CCDC27: variants seen among roughly 807,000 people sequenced by gnomAD.
CCDC27 encodes coiled-coil domain containing 27, also known as coiled-coil domain-containing protein 27.
A neutral mutation model predicts 80.3 loss-of-function variants in CCDC27; 80 were observed. The ratio of observed to expected loss-of-function variants is 1.00; its 90% CI spans 0.83 to 1.20. The LOEUF (loss-of-function observed/expected upper bound fraction) is 1.20. CCDC27 is among the 50% of genes most tolerant of loss of function. The probability of loss-of-function intolerance (pLI) is 0.00; values close to 1 mark genes in which losing one functional copy is unlikely to be tolerated. For synonymous variants in CCDC27, 342 were observed against 334.3 expected (o/e 1.02, Z -0.25); for missense variants, 815 against 809.4 (o/e 1.01, Z -0.08).
Position 3,761,169 on chromosome 1 carries a change from T to G in CCDC27, c.712-112T>G. On this transcript the variant is annotated intron_variant, in intron 4 of 11. Coordinates refer to ENST00000294600, the MANE Select transcript of CCDC27 (RefSeq NM_152492.3). This position sits in a 1 kb window ranked among gnomAD's most constrained non-coding sequence, Gnocchi z 5.0. ...TCTTGAAATCCCTGGGACCCTGGGG[T>G]TTTGGGGTACCACGACAGCAGATCT... 1.5e-6 allele frequency: 2 copies of G among 1,290,390 alleles called. No individual in the cohort carries two copies. The highest frequency in any genetic ancestry group is 1.1e-6 in the Non-Finnish European group (1 of 927,688). The allele number at this position is 1,290,390 out of a possible 1,614,324, so 79.9% of individuals were successfully genotyped here.
At position 3,768,991 on chromosome 1, in the gene CCDC27, T is replaced by C. The variant is rs1570722190; in HGVS notation, c.1744-792T>C. ...TCACTTAAACCTGTCCGAGCGGCAG[T>C]GTGGACATGCTTCCACTCGGAGGCA... On this transcript the variant is annotated intron_variant, in intron 10 of 11. Coordinates refer to ENST00000294600, the MANE Select transcript of CCDC27 (RefSeq NM_152492.3). The surrounding 1 kb of genome is among the most constrained non-coding windows in gnomAD (Gnocchi z 5.6). 6.6e-6 allele frequency among the ~76,000 whole-genome samples: 1 copy of C among 152,290 alleles called. No homozygotes were observed.
intron 2 of CCDC27, among the ~76,000 whole-genome samples, chr1:3,755,024 G>A (rs568147874): frequency 6.1e-4 from 93 of 152,284 alleles, no homozygotes; most frequent in African/African-American, 2.0e-3. Context: ...GAGGCTGAGG[G>A]GCCACACGGT....
chr1:3,756,587 A>T, intron 3 of CCDC27, 146 bp from the exon 4 acceptor site: 4 of 485,082 alleles, frequency 8.2e-6, no homozygotes, highest in Middle Eastern at 7.5e-4. Context: ...GAGGGTGACA[A>T]GAGTTAGGAG....
Position 3,763,787 on chromosome 1 carries a change from A to G in CCDC27, c.1403A>G (p.Gln468Arg). ...ATCAATACGGAAAATGAGACGCTGC[A>G]GAAGGAGCTCCGAGAGCGGAGGCAG... is the stretch of plus-strand genomic sequence containing the variant. ...RKINTENETL[Q>R]KELRERRQQL... is the part of the protein sequence containing the mutation. The change falls in exon 8 of 12, where the codon CAG becomes CGG. Residue 468 changes from glutamine (Q) to arginine (R), a missense_variant. Transcript: ENST00000294600. This position sits in a 1 kb window ranked among gnomAD's most constrained non-coding sequence, Gnocchi z 7.5. 6.2e-7 allele frequency: 1 copy of G among 1,614,174 alleles called. No individual in the cohort carries two copies. Among genetic ancestry groups the G allele is most frequent in the South Asian group, 1.1e-5 (1 of 91,090 alleles).
intron 4 of CCDC27, among the ~76,000 whole-genome samples, chr1:3,757,579 CTACAGGTGCG>C: frequency 6.6e-6 from 1 of 152,006 alleles, no homozygotes; most frequent in Non-Finnish European, 1.5e-5. Flanking sequence ...GCAGCTGGGA[CTACAGGTGCG>C]TACCACCACA....
intron 2 of CCDC27, 60 bp from the exon 3 acceptor site, chr1:3,755,396 TG>T: frequency 7.2e-7 from 1 of 1,387,994 alleles, no homozygotes; most frequent in Non-Finnish European, 1.0e-6. Context: ...GAGTCTGCCC[TG>T]GAGATCTTGG....
chr1:3,769,846 G>T lies in CCDC27; in HGVS notation c.1807G>T (p.Ala603Ser), dbSNP rs375507798. The T allele has an allele frequency of 6.2e-7, 1 of 1,613,976 alleles. No individual in the cohort carries two copies. The highest frequency in any genetic ancestry group is 1.3e-5 in the African/African-American group (1 of 74,978). Residue 603 changes from alanine to serine, a missense_variant, in exon 11 of 12, where the codon GCC becomes TCC. By Grantham distance (99) the Ala-to-Ser change is moderately conservative. Coordinates refer to ENST00000294600, the MANE Select transcript of CCDC27 (RefSeq NM_152492.3). The surrounding 1 kb of genome is among the most constrained non-coding windows in gnomAD (Gnocchi z 4.6). Reference sequence around the variant, plus strand: ...TAGCATCTCCGGGACCAAGTCCTTGGCCAACGAGATCTCTGACAATGACAT... The same window carrying T: ...TAGCATCTCCGGGACCAAGTCCTTGTCCAACGAGATCTCTGACAATGACAT... ...TFSISGTKSL[A>S]NEISDNDILE...
Position 3,763,695 on chromosome 1 carries a change from T to A in CCDC27, c.1322-11T>A. On this transcript the variant is annotated splice_polypyrimidine_tract_variant and intron_variant, in intron 7 of 11. Coordinates refer to ENST00000294600, the MANE Select transcript of CCDC27 (RefSeq NM_152492.3). The surrounding 1 kb of genome is among the most constrained non-coding windows in gnomAD (Gnocchi z 7.5). ...CTTGCTCCTGCTCACCGCCTCTGCC[T>A]CTGTGCCCAGGAGTGATTGCGTCTT... 1 of 1,614,058 alleles carries A rather than the reference T, an allele frequency of 6.2e-7. No individual in the cohort carries two copies. Among genetic ancestry groups the A allele is most frequent in the Non-Finnish European group, 8.5e-7 (1 of 1,179,956 alleles).
At position 3,766,154 on chromosome 1, in the gene CCDC27, C is replaced by T. The variant is rs1332177822; in HGVS notation, c.1453-381C>T. The stretch of plus-strand genomic sequence containing the variant: ...GTGCTGGGATTACAGGTGTGAGCCA[C>T]TGCACGTGGCCTAGGGCTCTTCATT... On this transcript the variant is annotated intron_variant, in intron 8 of 11. Transcript: ENST00000294600. This position sits in a 1 kb window ranked among gnomAD's most constrained non-coding sequence, Gnocchi z 6.1. Among the ~76,000 whole-genome samples, 1 of 152,234 alleles carries T rather than the reference C, an allele frequency of 6.6e-6. No homozygotes were observed. Among genetic ancestry groups the T allele is most frequent in the Non-Finnish European group, 1.5e-5 (1 of 68,042 alleles).
At position 3,769,689 on chromosome 1, in the gene CCDC27, G is replaced by C. The variant is rs543435315; in HGVS notation, c.1744-94G>C. ...AAGTGAGGGTGAGCTGTTCCTTCCTGGTACATAAAAAATAAGGTGGTGGGG... is the reference window on the plus strand; with the variant it reads ...AAGTGAGGGTGAGCTGTTCCTTCCTCGTACATAAAAAATAAGGTGGTGGGG... On this transcript the variant is annotated intron_variant, in intron 10 of 11. Transcript: ENST00000294600. This position sits in a 1 kb window ranked among gnomAD's most constrained non-coding sequence, Gnocchi z 4.6. 11 of 828,810 alleles carry C rather than the reference G, an allele frequency of 1.3e-5. No homozygotes were observed. The African/African-American group carries it at 1.7e-4, about 13-fold the overall frequency. The allele number at this position is 828,810 out of a possible 1,614,324, so 51.3% of individuals were successfully genotyped here.
intron 2 of CCDC27, among the ~76,000 whole-genome samples, chr1:3,754,914 C>T (rs1642915464): frequency 6.6e-6 from 1 of 152,150 alleles, no homozygotes; most frequent in South Asian, 2.1e-4. Context: ...GAAGCAGGGC[C>T]CTCACCTTTC....
At chr1:3,754,548 G>A (rs1553152356) in intron 2 of CCDC27, among the ~76,000 whole-genome samples, 1 of 152,148 alleles carries the variant, frequency 6.6e-6, no homozygotes, top group Non-Finnish European at 1.5e-5. Flanking sequence ...GGAAATGGTT[G>A]AAGATTCTGG....
intron 8 of CCDC27, among the ~76,000 whole-genome samples, chr1:3,765,962 C>T (rs1287173029): frequency 6.6e-6 from 1 of 151,886 alleles, no homozygotes; most frequent in Non-Finnish European, 1.5e-5. Flanking sequence ...TCAGCCTCTC[C>T]AGAGTCGGGT....
At position 3,763,591 on chromosome 1, in the gene CCDC27, G is replaced by A; in HGVS notation, c.1322-115G>A. 1.3e-6 allele frequency: 2 copies of A among 1,557,114 alleles called. No homozygotes were observed. The highest frequency in any genetic ancestry group is 1.7e-6 in the Non-Finnish European group (2 of 1,145,586). On this transcript the variant is annotated intron_variant, in intron 7 of 11. Coordinates refer to ENST00000294600, the MANE Select transcript of CCDC27 (RefSeq NM_152492.3). This position sits in a 1 kb window ranked among gnomAD's most constrained non-coding sequence, Gnocchi z 7.5. ...TGAGCTGGAGCAGGGGCAGGTGTCG[G>A]CAGCCTCACCCAGGCTGGCAGAGCC...
chr1:3,756,569 C>A (rs1443805411), intron 3 of CCDC27, 164 bp from the exon 4 acceptor site: 5 of 704,026 alleles, frequency 7.1e-6, no homozygotes, highest in Non-Finnish European at 1.2e-5. Context: ...ACACTGTGTC[C>A]TCAAAATGAG....
At chr1:3,752,860 C>T in intron 1 of CCDC27, 61 bp downstream of exon 1, 1 of 1,520,736 alleles carries the variant, frequency 6.6e-7, no homozygotes, top group Non-Finnish European at 8.9e-7. Context: ...CTTCTCCTCC[C>T]CAAAGGCCCA....
chr1:3,770,718 G>C (rs752858066), intron 11 of CCDC27, among the ~76,000 whole-genome samples: 25 of 152,202 alleles, frequency 1.6e-4, no homozygotes, highest in Non-Finnish European at 2.8e-4. Flanking sequence ...TCTGCAGAGT[G>C]GGGGGCCCTG....
chr1:3,762,511 C>G (rs1643112093), intron 5 of CCDC27, 109 bp from the exon 6 acceptor site: 1 of 823,150 alleles, frequency 1.2e-6, no homozygotes, highest in Admixed American at 2.6e-5. Flanking sequence ...GATGCAGGTC[C>G]CCTCCCCAGA....
At chr1:3,755,383 T>C in intron 2 of CCDC27, 74 bp from the exon 3 acceptor site, 1 of 1,268,010 alleles carries the variant, frequency 7.9e-7, no homozygotes, top group South Asian at 1.2e-5. Flanking sequence ...TAAGGATAAA[T>C]AAGAGTCTGC....
Sources: allele counts gnomAD v4.1 joint callset (sites outside exome capture counted in the v4.1 genomes callset), GRCh38; gene constraint gnomAD v4.1.1; non-coding constraint Gnocchi (gnomAD v3.1); transcripts MANE v1.5; gene names NCBI Gene and HGNC (gene_info 2026-07-23, HGNC 2026-07-21).